The following RBFOX1 variants were observed in gnomAD, a reference collection of about 807,000 sequenced individuals.
The protein encoded by RBFOX1 is RNA binding fox-1 homolog 1.
Under a neutral mutation model 57.7 loss-of-function variants are expected in RBFOX1, and 8 were observed. The observed-to-expected ratio is 0.14, with a 90% CI of 0.08 to 0.25. The LOEUF (loss-of-function observed/expected upper bound fraction) is 0.25, where lower values mean the gene tolerates loss of function less well. RBFOX1 is among the 10% of genes least tolerant of loss of function. The pLI, the probability that RBFOX1 is intolerant of heterozygous loss-of-function variation, is 1.00. For synonymous variants in RBFOX1, 326 were observed against 222.4 expected, an observed-to-expected ratio of 1.47 and a Z score of -4.15; for missense variants, 611 against 548.5, an observed-to-expected ratio of 1.11 and a Z score of -1.14.
At chr16:7,187,802 C>G (rs951394880) in intron 4 of RBFOX1, among the ~76,000 whole-genome samples, 1 of 145,068 alleles carries the variant, frequency 6.9e-6, no homozygotes, top group Non-Finnish European at 1.5e-5. Flanking sequence ...CAGCATTTTT[C>G]TTAATGGTGA....
chr16:5,952,742 C>T (rs1399422035), intron 4 of RBFOX1, among the ~76,000 whole-genome samples: 5 of 152,050 alleles, frequency 3.3e-5, no homozygotes, highest in African/African-American at 7.2e-5. Context: ...CTGGGGTTTC[C>T]CTGTTACAGA....
At chr16:7,147,860 G>C (rs1315314926) in intron 4 of RBFOX1, among the ~76,000 whole-genome samples, 1 of 152,154 alleles carries the variant, frequency 6.6e-6, no homozygotes, top group African/African-American at 2.4e-5. Flanking sequence ...GGGTTGAATG[G>C]TAGTTCTGTT....
chr16:6,372,139 C>T (rs1368897091), intron 2 of RBFOX1, among the ~76,000 whole-genome samples: 4 of 148,462 alleles, frequency 2.7e-5, no homozygotes, highest in Non-Finnish European at 5.9e-5. Context: ...GAGGATAGTT[C>T]TTTGGGATCC....
intron 2 of RBFOX1, among the ~76,000 whole-genome samples, chr16:5,586,328 G>C (rs1055259562): frequency 6.6e-6 from 1 of 152,178 alleles, no homozygotes; most frequent in African/African-American, 2.4e-5. Flanking sequence ...GGGAACTAAA[G>C]TACATGTTTT....
intron 4 of RBFOX1, among the ~76,000 whole-genome samples, chr16:7,349,760 G>A (rs1403374291): frequency 6.6e-6 from 1 of 152,134 alleles, no homozygotes; most frequent in East Asian, 1.9e-4. Flanking sequence ...TTCCAGGTGT[G>A]AGTAAGACCA....
At chr16:6,315,207 T>C (rs2080921613) in intron 1 of RBFOX1, among the ~76,000 whole-genome samples, 1 of 152,204 alleles carries the variant, frequency 6.6e-6, no homozygotes, top group South Asian at 2.1e-4. Context: ...AAAGGTTGAG[T>C]GACTTGGCCA....
Position 7,334,586 on chromosome 16 carries a change from C to T in RBFOX1, c.28-183561C>T, listed in dbSNP as rs1603623872. On this transcript the variant is annotated intron_variant, in intron 4 of 15. Coordinates refer to ENST00000550418, the MANE Select transcript of RBFOX1 (RefSeq NM_018723.4). ...ATAAGTTCCTGTTATAGATTAAGTGCCGGTGTAGGAAAAATAACGGCACCC... is the reference window on the plus strand; with the variant it reads ...ATAAGTTCCTGTTATAGATTAAGTGTCGGTGTAGGAAAAATAACGGCACCC... Among the ~76,000 whole-genome samples, 5 of 152,152 alleles carry T rather than the reference C, an allele frequency of 3.3e-5. No individual in the cohort carries two copies. The Middle Eastern group carries it at 0.01, about 311-fold the overall frequency.
intron 4 of RBFOX1, among the ~76,000 whole-genome samples, chr16:7,229,683 A>G (rs1286230577): frequency 3.8e-4 from 25 of 65,682 alleles, no homozygotes; most frequent in Non-Finnish European, 6.6e-4. Flanking sequence ...TAAGGGAGAG[A>G]GACGAAGGAA....
intron 2 of RBFOX1, among the ~76,000 whole-genome samples, chr16:6,467,581 C>A (rs866487795): frequency 6.6e-6 from 1 of 151,966 alleles, no homozygotes; most frequent in East Asian, 1.9e-4. Context: ...TAATTTTGCT[C>A]CAAGCTTTTG....
intron 1 of RBFOX1, among the ~76,000 whole-genome samples, chr16:5,362,025 G>A (rs1055753050): frequency 6.6e-5 from 10 of 152,156 alleles, no homozygotes; most frequent in African/African-American, 2.4e-4. Flanking sequence ...TGTGCCAACT[G>A]CATTGCATAA....
chr16:6,636,955 ATATGTATAT>A (rs1473346583), intron 2 of RBFOX1, among the ~76,000 whole-genome samples: 4 of 129,504 alleles, frequency 3.1e-5, no homozygotes, highest in Admixed American at 8.6e-5. Flanking sequence ...TATACATAAA[ATATGTATAT>A]TATGTATATT....
chr16:6,404,725 T>C (rs1410419959), intron 2 of RBFOX1, among the ~76,000 whole-genome samples: 1 of 152,158 alleles, frequency 6.6e-6, no homozygotes, highest in Non-Finnish European at 1.5e-5. Context: ...TCCCAGATTC[T>C]TTCCTGAGCT....
At chr16:5,287,648 G>C (rs182965459) in intron 1 of RBFOX1, among the ~76,000 whole-genome samples, 2 of 152,156 alleles carry the variant, frequency 1.3e-5, no homozygotes, top group East Asian at 3.9e-4. Context: ...TTTGCTCTTG[G>C]TGTCTCTTAT....
chr16:5,959,082 C>T (rs2059701070), intron 4 of RBFOX1, among the ~76,000 whole-genome samples: 1 of 152,204 alleles, frequency 6.6e-6, no homozygotes, highest in South Asian at 2.1e-4. Flanking sequence ...GTGCCTGGCA[C>T]AGAGAAAGGC....
chr16:6,303,941 G>A (rs2079139158), intron 1 of RBFOX1, among the ~76,000 whole-genome samples: 1 of 149,748 alleles, frequency 6.7e-6, no homozygotes, highest in Non-Finnish European at 1.5e-5. Flanking sequence ...CCTCCTGAGT[G>A]GCTGGGATTA....
chr16:6,799,584 G>A (rs1485665217), intron 3 of RBFOX1, among the ~76,000 whole-genome samples: 5 of 152,032 alleles, frequency 3.3e-5, no homozygotes, highest in Non-Finnish European at 5.9e-5. Flanking sequence ...CTGAGGGAGC[G>A]GCCTGGGAGA....
intron 1 of RBFOX1, among the ~76,000 whole-genome samples, chr16:5,278,418 A>C (rs548392547): frequency 4.6e-5 from 7 of 152,336 alleles, no homozygotes; most frequent in African/African-American, 1.4e-4. Flanking sequence ...CATCTTCAGC[A>C]TGAACTCTTT....
chr16:7,612,074 C>A (rs770215450), intron 10 of RBFOX1, among the ~76,000 whole-genome samples: 3 of 152,064 alleles, frequency 2.0e-5, no homozygotes, highest in African/African-American at 7.2e-5. Context: ...GTAATCCCAG[C>A]ACTTTGGGAG....
intron 5 of RBFOX1, among the ~76,000 whole-genome samples, chr16:7,575,063 G>A (rs1015913888): frequency 1.3e-5 from 2 of 151,770 alleles, no homozygotes; most frequent in Non-Finnish European, 2.9e-5. Context: ...GGGGGGCTGT[G>A]GGGGAGGAGG....
Sources: allele counts gnomAD v4.1 joint callset (sites outside exome capture counted in the v4.1 genomes callset), GRCh38; gene constraint gnomAD v4.1.1; transcripts MANE v1.5; gene names NCBI Gene and HGNC (gene_info 2026-07-23, HGNC 2026-07-21).